The following PLEKHA2 variants were observed in gnomAD, a reference collection of about 807,000 sequenced individuals.
PLEKHA2 encodes the protein pleckstrin homology domain containing A2.
A neutral mutation model predicts 53.2 loss-of-function variants in PLEKHA2; 28 were observed. That is an observed-to-expected ratio of 0.53 (90% CI 0.39 to 0.72). PLEKHA2 has a LOEUF of 0.72. Ranked by LOEUF, PLEKHA2 falls within the 30% of genes least tolerant of loss-of-function variation. The probability of loss-of-function intolerance (pLI) is 0.00; values close to 1 mark genes in which losing one functional copy is unlikely to be tolerated. For synonymous variants in PLEKHA2, 193 were observed against 196.4 expected, an observed-to-expected ratio of 0.98 and a Z score of 0.14; for missense variants, 426 against 537.9, an observed-to-expected ratio of 0.79 and a Z score of 2.06.
At chr8:38,965,912 T>C (rs987237988) in intron 10 of PLEKHA2, among the ~76,000 whole-genome samples, 2 of 152,194 alleles carry the variant, frequency 1.3e-5, no homozygotes, top group Admixed American at 6.5e-5. Flanking sequence ...ATAATTAAGC[T>C]TGTGGAACAG....
intron 10 of PLEKHA2, among the ~76,000 whole-genome samples, chr8:38,963,162 C>T (rs1219976400): frequency 1.3e-5 from 2 of 152,212 alleles, no homozygotes; most frequent in Non-Finnish European, 2.9e-5. Flanking sequence ...TACAATAAAA[C>T]TGCAGGCTGC....
At position 38,969,941 on chromosome 8, in the gene PLEKHA2, C is replaced by A; in HGVS notation, c.*158C>A. On this transcript the variant is annotated 3_prime_UTR_variant, in exon 12 of 12. Transcript: ENST00000617275. ...GGAGGGAGGGGCCCATCCAGCTGGGCTGTGTGTGTGTGTGTGTGTGTGTGT... is the reference window on the plus strand; with the variant it reads ...GGAGGGAGGGGCCCATCCAGCTGGGATGTGTGTGTGTGTGTGTGTGTGTGT... 1 of 696,658 alleles carries A rather than the reference C, an allele frequency of 1.4e-6. No individual in the cohort carries two copies. The highest frequency in any genetic ancestry group is 2.3e-6 in the Non-Finnish European group (1 of 440,210). The allele number at this position is 696,658 out of a possible 1,614,324, so 43.2% of individuals were successfully genotyped here. A position where few individuals can be genotyped will look rare whatever the true frequency, so the allele number is the denominator to read the frequency against.
In PLEKHA2 at chr8:38,927,061, T is replaced by C. The variant is rs78880196; in HGVS notation, c.142-8933T>C. ...AAACTTAGCAGAGGTTAAATAACTA[T>C]TGCAAAACCATAGTGATGACTATTC... On this transcript the variant is annotated intron_variant, in intron 2 of 11. Transcript: ENST00000617275. 7.0e-3 allele frequency among the ~76,000 whole-genome samples: 1,059 copies of C among 152,362 alleles called. 11 individuals carry two copies. Among genetic ancestry groups the C allele is most frequent in the Admixed American group, 0.019 (287 of 15,302 alleles).
chr8:38,947,437 T>A (rs1225368690), intron 5 of PLEKHA2, among the ~76,000 whole-genome samples: 1 of 149,572 alleles, frequency 6.7e-6, no homozygotes, highest in African/African-American at 2.5e-5. Flanking sequence ...GCGACAAGAG[T>A]GAAACTCCAC....
At chr8:38,944,803 A>G (rs1439003896) in intron 4 of PLEKHA2, among the ~76,000 whole-genome samples, 2 of 152,248 alleles carry the variant, frequency 1.3e-5, no homozygotes, top group African/African-American at 4.8e-5. Flanking sequence ...AACCATATCA[A>G]TGTCCATCAT....
At chr8:38,920,679 G>T (rs1311577160) in intron 2 of PLEKHA2, among the ~76,000 whole-genome samples, 5 of 150,886 alleles carry the variant, frequency 3.3e-5, no homozygotes, top group Admixed American at 2.0e-4. Context: ...TCCCACCTCA[G>T]CCTCCCATGT....
chr8:38,948,496 A>G (rs565857897), intron 5 of PLEKHA2, among the ~76,000 whole-genome samples: 3 of 152,312 alleles, frequency 2.0e-5, no homozygotes, highest in African/African-American at 7.2e-5. Context: ...CAGAAAGAAA[A>G]TAGAAGGCGG....
chr8:38,932,205 A>T (rs1454922690), intron 2 of PLEKHA2, among the ~76,000 whole-genome samples: 3 of 152,138 alleles, frequency 2.0e-5, no homozygotes, highest in Non-Finnish European at 4.4e-5. Flanking sequence ...TGTGTTGCCC[A>T]GGCTGGTCTT....
chr8:38,968,588 G>A lies in PLEKHA2; in HGVS notation c.838-4G>A. On this transcript the variant is annotated splice_region_variant and splice_polypyrimidine_tract_variant and intron_variant, in intron 10 of 11. Coordinates refer to ENST00000617275, the MANE Select transcript of PLEKHA2 (RefSeq NM_021623.2). The stretch of plus-strand genomic sequence containing the variant: ...TCTTGGTAAGAGCCATGGATGTTTT[G>A]CAGGCAGACAGTCCAGAAGACATGC... The A allele has an allele frequency of 6.2e-7, 1 of 1,613,850 alleles. No individual in the cohort carries two copies. The highest frequency in any genetic ancestry group is 8.5e-7 in the Non-Finnish European group (1 of 1,179,822).
intron 1 of PLEKHA2, among the ~76,000 whole-genome samples, chr8:38,902,749 T>C (rs759138737): frequency 1.3e-5 from 2 of 152,228 alleles, no homozygotes; most frequent in South Asian, 2.1e-4. Flanking sequence ...TCAGTTGACA[T>C]GTATTATACA....
In PLEKHA2 at chr8:38,921,325, TC is replaced by T. The variant is rs141896604; in HGVS notation, c.141+3259del. Among the ~76,000 whole-genome samples, 13 of 152,330 alleles carry T rather than the reference TC, an allele frequency of 8.5e-5. No individual in the cohort carries two copies. The East Asian group carries it at 2.5e-3, about 29-fold the overall frequency. On this transcript the variant is annotated intron_variant, in intron 2 of 11. Coordinates refer to ENST00000617275, the MANE Select transcript of PLEKHA2 (RefSeq NM_021623.2). ...TGATTTACCTGCTTCACGCCATGCT[TC>T]CCCACTAGGGCTGTGCTTTACCCGA...
intron 3 of PLEKHA2, among the ~76,000 whole-genome samples, chr8:38,938,294 A>G (rs923152286): frequency 1.3e-5 from 2 of 152,180 alleles, no homozygotes; most frequent in African/African-American, 4.8e-5. Flanking sequence ...GCTTTTGCCT[A>G]TAATTTCAGG....
chr8:38,923,323 C>T (rs1352351645), intron 2 of PLEKHA2, among the ~76,000 whole-genome samples: 1 of 152,166 alleles, frequency 6.6e-6, no homozygotes. Context: ...GTCACTTATC[C>T]TGTGGAGTAT....
chr8:38,934,460 C>G (rs1834454637), intron 2 of PLEKHA2, among the ~76,000 whole-genome samples: 2 of 151,620 alleles, frequency 1.3e-5, no homozygotes, highest in African/African-American at 4.8e-5. Flanking sequence ...GAGATGGAGT[C>G]TCTCTCTTCC....
chr8:38,909,859 CTTA>C (rs975000709), intron 1 of PLEKHA2, among the ~76,000 whole-genome samples: 1 of 152,178 alleles, frequency 6.6e-6, no homozygotes, highest in African/African-American at 2.4e-5. Flanking sequence ...ATCATAAATA[CTTA>C]TTTTCATTCG....
chr8:38,943,670 T>C (rs1834653190), intron 3 of PLEKHA2, 119 bp from the exon 4 acceptor site: 1 of 740,126 alleles, frequency 1.4e-6, no homozygotes, highest in East Asian at 2.9e-5. Flanking sequence ...TAATTATTAT[T>C]TTTTAAAAAT....
chr8:38,939,223 C>T (rs1588256587), intron 3 of PLEKHA2, among the ~76,000 whole-genome samples: 1 of 152,130 alleles, frequency 6.6e-6, no homozygotes, highest in South Asian at 2.1e-4. Context: ...CCTTTCTTTC[C>T]GTGGGACTCA....
In PLEKHA2 at chr8:38,971,672, TA is replaced by T. The variant is rs1835250994; in HGVS notation, c.*1891del. On this transcript the variant is annotated 3_prime_UTR_variant, in exon 12 of 12. Transcript: ENST00000617275. ...CTTTTCTTTTAAATAAATTATCTGA[TA>T]AGGCCGGCAAGGTGGCTCACGCCTG... 1 of 152,168 alleles carries T rather than the reference TA, an allele frequency of 6.6e-6. No homozygotes were observed. The highest frequency in any genetic ancestry group is 2.4e-5 in the African/African-American group (1 of 41,436). 9.4% of individuals were successfully genotyped at this position (152,168 alleles called of 1,614,324 possible).
rs1394730441 is a variant in PLEKHA2 at position 38,922,728 on chromosome 8, T to A, written c.141+4658T>A. On this transcript the variant is annotated intron_variant, in intron 2 of 11. Transcript: ENST00000617275. This position sits in a 1 kb window ranked among gnomAD's most constrained non-coding sequence, Gnocchi z 4.0. ...CTGCTGCTGCTACTGCTGTTATTAC[T>A]AACTGCAGCTTATACTTACTAAGTG... 1.3e-5 allele frequency among the ~76,000 whole-genome samples: 2 copies of A among 152,216 alleles called. No homozygotes were observed. Among genetic ancestry groups the A allele is most frequent in the Non-Finnish European group, 2.9e-5 (2 of 68,024 alleles).
Sources: gnomAD v4.1 joint callset for allele counts (sites outside exome capture counted in the v4.1 genomes callset) on GRCh38, gnomAD v4.1.1 for gene constraint, Gnocchi (gnomAD v3.1) non-coding constraint, MANE v1.5 for transcripts, NCBI Gene and HGNC (gene_info 2026-07-23, HGNC 2026-07-21) for gene names.